The following RBFOX1 variants were observed in gnomAD, a reference collection of about 807,000 sequenced individuals.
The protein encoded by RBFOX1 is RNA binding fox-1 homolog 1, also known as RNA binding protein fox-1 homolog 1.
A neutral mutation model predicts 57.7 loss-of-function variants in RBFOX1; 8 were observed. The ratio of observed to expected loss-of-function variants is 0.14; its 90% CI spans 0.08 to 0.25. The LOEUF (loss-of-function observed/expected upper bound fraction) is 0.25, where lower values mean the gene tolerates loss of function less well. Ranked by LOEUF, RBFOX1 falls within the 10% of genes least tolerant of loss-of-function variation. The pLI is 1.00. For missense variants in RBFOX1, 611 were observed against 548.5 expected, an observed-to-expected ratio of 1.11 and a Z score of -1.14; for synonymous variants, 326 against 222.4, an observed-to-expected ratio of 1.47 and a Z score of -4.15.
chr16:5,712,565 A>G (rs1299047606), intron 3 of RBFOX1, among the ~76,000 whole-genome samples: 1 of 152,174 alleles, frequency 6.6e-6, no homozygotes, highest in Non-Finnish European at 1.5e-5. Context: ...GGGGCTTTTC[A>G]TCATCTATGA....
chr16:7,473,910 C>T (rs1167465262), intron 4 of RBFOX1, among the ~76,000 whole-genome samples: 1 of 152,134 alleles, frequency 6.6e-6, no homozygotes, highest in Non-Finnish European at 1.5e-5. Flanking sequence ...TTTTTGTAAC[C>T]TCCCTCAAGC....
At chr16:6,800,888 T>C (rs147081465) in intron 3 of RBFOX1, among the ~76,000 whole-genome samples, 3 of 152,264 alleles carry the variant, frequency 2.0e-5, no homozygotes, top group African/African-American at 7.2e-5. Context: ...TGGAAGTTAA[T>C]TCACTTCAAG....
chr16:7,669,131 T>G (rs2070494810), intron 13 of RBFOX1, among the ~76,000 whole-genome samples: 1 of 152,166 alleles, frequency 6.6e-6, no homozygotes, highest in South Asian at 2.1e-4. Flanking sequence ...CTCAAACTCC[T>G]GACTTCAAGA....
Position 7,066,023 on chromosome 16 carries a change from T to G in RBFOX1, c.27+13925T>G, listed in dbSNP as rs894501683. Among the ~76,000 whole-genome samples the G allele has an allele frequency of 2.0e-5, 3 of 152,206 alleles. No homozygotes were observed. In the South Asian group the frequency reaches 6.2e-4, roughly 32 times the overall value. On this transcript the variant is annotated intron_variant, in intron 4 of 15. Transcript: ENST00000550418. ...AAAAAAAAACTATTACCAATTGAAA[T>G]GGTTTAATTCACTCCAAGGGGGAAA...
chr16:5,948,275 T>C (rs891144057), intron 4 of RBFOX1, among the ~76,000 whole-genome samples: 1 of 152,144 alleles, frequency 6.6e-6, no homozygotes, highest in Non-Finnish European at 1.5e-5. Flanking sequence ...GCTGCTGATT[T>C]GTAATTGAGT....
intron 3 of RBFOX1, among the ~76,000 whole-genome samples, chr16:7,016,379 C>T (rs769001714): frequency 1.3e-5 from 2 of 152,114 alleles, no homozygotes; most frequent in Non-Finnish European, 2.9e-5. Context: ...TAGAAGAAGC[C>T]TTTCGGATAC....
chr16:7,535,703 G>A (rs2081307807), intron 5 of RBFOX1, among the ~76,000 whole-genome samples: 1 of 152,084 alleles, frequency 6.6e-6, no homozygotes, highest in African/African-American at 2.4e-5. Context: ...AATACTTACT[G>A]AACTCCTACT....
chr16:6,933,481 G>A (rs184594200), intron 3 of RBFOX1, among the ~76,000 whole-genome samples: 56 of 152,366 alleles, frequency 3.7e-4, no homozygotes, highest in Non-Finnish European at 4.3e-4. Context: ...GGGAAGCCAA[G>A]GCAGGCAGAT....
chr16:6,265,000 C>A (rs1398747953), intron 1 of RBFOX1, among the ~76,000 whole-genome samples: 1 of 152,174 alleles, frequency 6.6e-6, no homozygotes, highest in Non-Finnish European at 1.5e-5. Flanking sequence ...CCTCGTCCTG[C>A]CTCCCATGCC....
chr16:7,411,170 T>C (rs1462738431), intron 4 of RBFOX1, among the ~76,000 whole-genome samples: 1 of 152,118 alleles, frequency 6.6e-6, no homozygotes, highest in Non-Finnish European at 1.5e-5. Context: ...GGTCTTGAAC[T>C]CTTGACCTCA....
intron 1 of RBFOX1, among the ~76,000 whole-genome samples, chr16:5,459,933 G>C (rs4786687): frequency 0.63 from 95,824 of 151,940 alleles, 30,293 homozygotes; most frequent in East Asian, 0.69. Flanking sequence ...TCGCCACTCC[G>C]AGTTCTTTAT....
At chr16:7,098,829 T>C (rs569427423) in intron 4 of RBFOX1, among the ~76,000 whole-genome samples, 149 of 152,240 alleles carry the variant, frequency 9.8e-4, no homozygotes, top group African/African-American at 3.4e-3. Context: ...TCGTGGTCTT[T>C]CTAGTGAGGC....
intron 3 of RBFOX1, among the ~76,000 whole-genome samples, chr16:5,785,843 C>T (rs952212794): frequency 1.3e-5 from 2 of 152,190 alleles, no homozygotes; most frequent in African/African-American, 2.4e-5. Context: ...TCTGCAACTT[C>T]CTGAAAAAAT....
intron 3 of RBFOX1, among the ~76,000 whole-genome samples, chr16:5,727,913 C>T (rs1567455968): frequency 6.6e-6 from 1 of 152,230 alleles, no homozygotes; most frequent in African/African-American, 2.4e-5. Flanking sequence ...CCTTCAACTC[C>T]TGGCCTCAAG....
intron 3 of RBFOX1, among the ~76,000 whole-genome samples, chr16:5,808,327 T>G (rs1010803698): frequency 6.6e-6 from 1 of 152,192 alleles, no homozygotes; most frequent in African/African-American, 2.4e-5. Context: ...TGTACCCTTG[T>G]AGTATAGTTT....
At chr16:6,926,248 A>G (rs1003007675) in intron 3 of RBFOX1, among the ~76,000 whole-genome samples, 1 of 152,188 alleles carries the variant, frequency 6.6e-6, no homozygotes, top group Non-Finnish European at 1.5e-5. Flanking sequence ...GGGAGGTTGC[A>G]GTGAGCTGAG....
intron 1 of RBFOX1, among the ~76,000 whole-genome samples, chr16:5,432,559 G>GTTTTTTTTTTTTTTTTGTTTTTTTTTTTT (rs35344614): frequency 1.1e-5 from 1 of 94,222 alleles, no homozygotes; most frequent in Non-Finnish European, 2.0e-5. Context: ...TTGTTTGTTT[G>GTTTTTTTTTTTTTTTTGTTTTTTTTTTTT]TTTTTTTTTT....
intron 2 of RBFOX1, among the ~76,000 whole-genome samples, chr16:6,499,170 C>T (rs998095641): frequency 6.6e-6 from 1 of 152,156 alleles, no homozygotes; most frequent in Non-Finnish European, 1.5e-5. Flanking sequence ...TGGTGGACTG[C>T]ATCTCCTCCT....
intron 3 of RBFOX1, among the ~76,000 whole-genome samples, chr16:6,876,719 A>G (rs2061917191): frequency 1.3e-5 from 2 of 152,158 alleles, no homozygotes; most frequent in African/African-American, 4.8e-5. Context: ...CGTCTGATCA[A>G]GAGAGAACCC....
Sources: allele counts gnomAD v4.1 joint callset (sites outside exome capture counted in the v4.1 genomes callset), GRCh38; gene constraint gnomAD v4.1.1; transcripts MANE v1.5; gene names NCBI Gene and HGNC (gene_info 2026-07-23, HGNC 2026-07-21).